Variants in GDAP1 observed in about 807,000 individuals in gnomAD.
The protein encoded by GDAP1 is ganglioside induced differentiation associated protein 1, also known as ganglioside-induced differentiation-associated protein 1.
A neutral mutation model predicts 40.1 loss-of-function variants in GDAP1; 34 were observed. The observed-to-expected ratio is 0.85, with a 90% CI of 0.64 to 1.13. The LOEUF (loss-of-function observed/expected upper bound fraction) is 1.13. Among genes scored for constraint, GDAP1 ranks in the 50% most tolerant of loss-of-function variants. GDAP1 has a pLI of 0.00. For synonymous variants in GDAP1, 170 were observed against 157.4 expected (o/e 1.08, Z -0.60); for missense variants, 374 against 433.7 (o/e 0.86, Z 1.22).
intron 2 of GDAP1, among the ~76,000 whole-genome samples, chr8:74,460,990 G>A (rs1806393865): frequency 6.6e-6 from 1 of 152,144 alleles, no homozygotes. Flanking sequence ...TATTGGGAGA[G>A]GGTATTCTCT....
rs1234033480 is a variant in GDAP1, at chr8:74,366,770, C to G, written c.*2403C>G. ...TTTTTAGTAATTATTGCTGTTGACA[C>G]CAGCGTTGTAGATTTTTGGTGTTGT... On this transcript the variant is annotated 3_prime_UTR_variant, in exon 6 of 6. Transcript: ENST00000220822. 6.6e-6 allele frequency: 3 copies of G among 453,784 alleles called. No homozygotes were observed. Among genetic ancestry groups the G allele is most frequent in the Non-Finnish European group, 1.3e-5 (3 of 226,664 alleles). The allele number at this position is 453,784 out of a possible 1,614,324, so 28.1% of individuals were successfully genotyped here.
intron 2 of GDAP1, among the ~76,000 whole-genome samples, chr8:74,478,480 C>A (rs1051194460): frequency 6.6e-6 from 1 of 151,980 alleles, no homozygotes; most frequent in African/African-American, 2.4e-5. Flanking sequence ...ATGATGTGGG[C>A]CCCCAGGAGC....
At chr8:74,372,121 G>T (rs1809764872) in intron 2 of GDAP1, among the ~76,000 whole-genome samples, 2 of 152,084 alleles carry the variant, frequency 1.3e-5, no homozygotes, top group Admixed American at 1.3e-4. Flanking sequence ...TGGCTGCATA[G>T]TATTCCATGA....
chr8:74,458,432 A>G (rs1323871081), intron 2 of GDAP1, among the ~76,000 whole-genome samples: 1 of 152,204 alleles, frequency 6.6e-6, no homozygotes, highest in Non-Finnish European at 1.5e-5. Flanking sequence ...GCCCACTTAC[A>G]TGGATACACT....
In GDAP1 at chr8:74,469,844, C is replaced by T. The variant is rs552800929; in HGVS notation, c.166-18834C>T. ...ACAAAATTAGCTGGGCGTGCTGGTG[C>T]ATGCCTGTAATCCCAGCTACTCGGG... On this transcript the variant is annotated intron_variant, in intron 2 of 2. Coordinates refer to the GDAP1 transcript ENST00000523640. Among the ~76,000 whole-genome samples, 4 of 148,944 alleles carry T rather than the reference C, an allele frequency of 2.7e-5. No individual in the cohort carries two copies. In the South Asian group the frequency reaches 8.7e-4, roughly 32 times the overall value.
chr8:74,358,009 G>A (rs780143142), intron 2 of GDAP1, among the ~76,000 whole-genome samples: 71 of 152,180 alleles, frequency 4.7e-4, no homozygotes, highest in Non-Finnish European at 9.3e-4. Context: ...GGATGGCAGC[G>A]CAGTGCCCCT....
chr8:74,356,337 CTG>C (rs1424837091), intron 2 of GDAP1, among the ~76,000 whole-genome samples: 3 of 152,114 alleles, frequency 2.0e-5, no homozygotes, highest in Non-Finnish European at 4.4e-5. Flanking sequence ...TTGGAACAAA[CTG>C]TCTGATAAAG....
rs574674679 is a variant in GDAP1, at chr8:74,443,533, A to G, written c.166-45145A>G. On this transcript the variant is annotated intron_variant, in intron 2 of 2. Transcript: ENST00000523640. ...GTGGAGCACAGCTGTAATCGCAGCTACTGAGGACTACTTCCTGCAGTCCCT... is the reference window on the plus strand; with the variant it reads ...GTGGAGCACAGCTGTAATCGCAGCTGCTGAGGACTACTTCCTGCAGTCCCT... Among the ~76,000 whole-genome samples, 19 of 152,310 alleles carry G rather than the reference A, an allele frequency of 1.2e-4. No individual in the cohort carries two copies. The South Asian group carries it at 3.7e-3, about 30-fold the overall frequency.
chr8:74,482,121 G>GC (rs1279131209), intron 2 of GDAP1, among the ~76,000 whole-genome samples: 85 of 31,302 alleles, frequency 2.7e-3, no homozygotes, highest in Non-Finnish European at 4.0e-3. Context: ...TTTTTTTTTG[G>GC]GGGGGGGGGG....
chr8:74,371,477 G>A (rs1009215650), downstream of GDAP1, among the ~76,000 whole-genome samples: 2 of 151,808 alleles, frequency 1.3e-5, no homozygotes, highest in Non-Finnish European at 2.9e-5. Flanking sequence ...TGGCTAACAC[G>A]GTGAAACCCC....
intron 2 of GDAP1, among the ~76,000 whole-genome samples, chr8:74,380,802 A>G (rs987120158): frequency 1.9e-4 from 29 of 152,200 alleles, no homozygotes; most frequent in African/African-American, 7.0e-4. Context: ...TGTCTAATCA[A>G]CATAAAATAC....
At chr8:74,484,858 G>A (rs191714010) in intron 2 of GDAP1, among the ~76,000 whole-genome samples, 1 of 152,150 alleles carries the variant, frequency 6.6e-6, no homozygotes, top group East Asian at 1.9e-4. Flanking sequence ...TATACAGTAA[G>A]TCAAAAAATC....
At position 74,365,130 on chromosome 8, in the gene GDAP1, T is replaced by C. The variant is rs767019678; in HGVS notation, c.*763T>C. The C allele has an allele frequency of 6.6e-6, 3 of 453,954 alleles. No individual in the cohort carries two copies. The highest frequency in any genetic ancestry group is 4.7e-5 in the South Asian group (3 of 64,466). The allele number at this position is 453,954 out of a possible 1,614,324, so 28.1% of individuals were successfully genotyped here. ...CCTCTTCATACACATAAGTGGCATT[T>C]AGGTGAATGTCCCAGCTAATCACTA... On this transcript the variant is annotated 3_prime_UTR_variant, in exon 6 of 6. Coordinates refer to ENST00000220822, the MANE Select transcript of GDAP1 (RefSeq NM_018972.4).
At chr8:74,405,471 A>G (rs1288984205) in intron 2 of GDAP1, among the ~76,000 whole-genome samples, 1 of 150,216 alleles carries the variant, frequency 6.7e-6, no homozygotes, top group Non-Finnish European at 1.5e-5. Flanking sequence ...AGGTGGTTGC[A>G]TCAATGGGTG....
chr8:74,358,486 T>A (rs1809206697), intron 2 of GDAP1, among the ~76,000 whole-genome samples: 1 of 152,158 alleles, frequency 6.6e-6, no homozygotes, highest in Non-Finnish European at 1.5e-5. Flanking sequence ...AGAGCATTTG[T>A]TTATGTGGAT....
rs150343949 is a variant in GDAP1 at position 74,451,237 on chromosome 8, G to A, written c.166-37441G>A. ...GGCTGAGGCGGGTGGATCACTTGAG[G>A]CCAGGAGTTTGAGACCAACCTAGCC... On this transcript the variant is annotated intron_variant, in intron 2 of 2. Coordinates refer to the GDAP1 transcript ENST00000523640. Among the ~76,000 whole-genome samples, 19 of 82,206 alleles carry A rather than the reference G, an allele frequency of 2.3e-4. 8 individuals carry two copies. The highest frequency in any genetic ancestry group is 5.0e-4 in the Admixed American group (4 of 8,060). 53.9% of individuals were successfully genotyped at this position (82,206 alleles called of 152,430 possible).
Position 74,452,598 on chromosome 8 carries a change from C to A in GDAP1, c.166-36080C>A. Among the ~76,000 whole-genome samples the A allele has an allele frequency of 2.4e-5, 2 of 83,398 alleles. 1 individual carries two copies. Among genetic ancestry groups the A allele is most frequent in the Non-Finnish European group, 4.9e-5 (2 of 41,064 alleles). 54.7% of individuals were successfully genotyped at this position (83,398 alleles called of 152,430 possible). A position where few individuals can be genotyped will look rare whatever the true frequency, so the allele number is the denominator to read the frequency against. On this transcript the variant is annotated intron_variant, in intron 2 of 2. Transcript: ENST00000523640. ...AATATACATATTTTTTTCACATATG[C>A]TTTTTAGCTCTAGAATTTCAATTTG...
At position 74,451,063 on chromosome 8, in the gene GDAP1, A is replaced by G. The variant is rs1455326857; in HGVS notation, c.166-37615A>G. ...TTTTTAATGATATAGCTCTATCTACATCCATCCTTTTTGTCATACATTTTA... is the reference window on the plus strand; with the variant it reads ...TTTTTAATGATATAGCTCTATCTACGTCCATCCTTTTTGTCATACATTTTA... On this transcript the variant is annotated intron_variant, in intron 2 of 2. Coordinates refer to the GDAP1 transcript ENST00000523640. Among the ~76,000 whole-genome samples the G allele has an allele frequency of 2.4e-5, 2 of 82,968 alleles. 1 individual carries two copies. Among genetic ancestry groups the G allele is most frequent in the East Asian group, 7.1e-4 (2 of 2,836 alleles). The allele number at this position is 82,968 out of a possible 152,430, so 54.4% of individuals were successfully genotyped here.
At chr8:74,423,091 G>T (rs1167493278) in intron 2 of GDAP1, among the ~76,000 whole-genome samples, 1 of 146,346 alleles carries the variant, frequency 6.8e-6, no homozygotes, top group Non-Finnish European at 1.5e-5. Context: ...ATAAAATAGA[G>T]AATTGATTTG....
Sources: gnomAD v4.1 joint callset for allele counts (sites outside exome capture counted in the v4.1 genomes callset) on GRCh38, gnomAD v4.1.1 for gene constraint, MANE v1.5 for transcripts, NCBI Gene and HGNC (gene_info 2026-07-23, HGNC 2026-07-21) for gene names.